The following NIBAN3 variants were observed in gnomAD, a reference collection of about 807,000 sequenced individuals.
NIBAN3 encodes the protein protein Niban 3.
A neutral mutation model predicts 76.4 loss-of-function variants in NIBAN3; 66 were observed. That is an observed-to-expected ratio of 0.86 (90% CI 0.71 to 1.06). The LOEUF is 1.06. NIBAN3 is among the 50% of genes least tolerant of loss of function. NIBAN3 has a pLI of 0.00. For missense variants in NIBAN3, 808 were observed against 810.7 expected, an observed-to-expected ratio of 1.00 and a Z score of 0.04; for synonymous variants, 360 against 355.2, an observed-to-expected ratio of 1.01 and a Z score of -0.15.
rs1274121291 is a variant in NIBAN3, at chr19:17,539,677, C to A, written c.891C>A (p.Asp297Glu). 2 of 1,558,292 alleles carry A rather than the reference C, an allele frequency of 1.3e-6. No homozygotes were observed. The highest frequency in any genetic ancestry group is 4.8e-5 in the East Asian group (2 of 41,550). Residue 297 changes from aspartate to glutamate, a missense_variant, in exon 8 of 15, where the codon GAC (aspartate) becomes GAA (glutamate). Asp to Glu is a conservative substitution (Grantham distance 45). Transcript: ENST00000599164. ...AGLCAFQPEKDELLASLEKTI... is the reference protein window; with the variant it reads ...AGLCAFQPEKEELLASLEKTI... ...TCTGCGCCTTCCAGCCCGAAAAGGA[C>A]GAGCTGCTTGCGTCGCTGGAGAAGA...
intron 2 of NIBAN3, 57 bp downstream of exon 2, chr19:17,530,942 C>G (rs944359099): frequency 1.4e-5 from 22 of 1,557,704 alleles, no homozygotes; most frequent in Non-Finnish European, 1.9e-5. Flanking sequence ...CTGGAGGAGC[C>G]CTCCCTAGGC....
downstream of NIBAN3, chr19:17,553,809 T>G (rs1454212313): frequency 2.4e-6 from 1 of 414,576 alleles, no homozygotes; most frequent in African/African-American, 2.0e-5. Context: ...CACCTCCTTT[T>G]TCTTACTTAA....
At chr19:17,549,826 CTTTT>C in intron 14 of NIBAN3, 2 of 100,500 alleles carry the variant, frequency 2.0e-5, no homozygotes, top group South Asian at 4.0e-4. Flanking sequence ...CTCTCTCTCT[CTTTT>C]TTTTTTTTTT....
At chr19:17,543,706 T>C (rs964498345) in intron 12 of NIBAN3, 75 bp downstream of exon 12, 19 of 1,318,738 alleles carry the variant, frequency 1.4e-5, no homozygotes, top group Non-Finnish European at 1.8e-5. Context: ...AAGAATGCTC[T>C]TTGAGGCTGG....
In NIBAN3 at chr19:17,537,498, G is replaced by A. The variant is rs377505484; in HGVS notation, c.550G>A (p.Ala184Thr). 2.0e-3 allele frequency: 3,280 copies of A among 1,611,778 alleles called. 76 individuals are homozygous for A. In the South Asian group the frequency reaches 0.034, roughly 17 times the overall value. The change falls in exon 5 of 15, where the codon GCC becomes ACC. Residue 184 changes from alanine to threonine, a missense_variant. By Grantham distance (58) the Ala-to-Thr change is moderately conservative. Transcript: ENST00000599164. ...FSAATREAQH[A>T]WRLALQGGIR... ...TGCAGCCACCAGGGAGGCACAGCATGCCTGGAGGCTGGCCCTGCAGGGTGG... is the reference window on the plus strand; with the variant it reads ...TGCAGCCACCAGGGAGGCACAGCATACCTGGAGGCTGGCCCTGCAGGGTGG...
chr19:17,533,762 G>C (rs556326086), intron 4 of NIBAN3, 61 bp downstream of exon 4: 1 of 1,287,004 alleles, frequency 7.8e-7, no homozygotes, highest in East Asian at 2.3e-5. Context: ...AACATGTGGG[G>C]CCAGATCATT....
At chr19:17,537,956 C>A (rs774409648) in intron 5 of NIBAN3, among the ~76,000 whole-genome samples, 2 of 150,992 alleles carry the variant, frequency 1.3e-5, no homozygotes, top group Non-Finnish European at 3.0e-5. Context: ...CACACACACA[C>A]ACACACGAGA....
intron 12 of NIBAN3, chr19:17,546,235 T>C (rs1264591591): frequency 6.3e-6 from 1 of 159,820 alleles, no homozygotes; most frequent in African/African-American, 2.4e-5. Context: ...TCATTAATGA[T>C]ATTCATATAT....
Position 17,540,668 on chromosome 19 carries a change from G to T in NIBAN3, c.1170+86G>T, listed in dbSNP as rs1003373582. The T allele has an allele frequency of 7.5e-6, 8 of 1,064,924 alleles. No individual in the cohort carries two copies. The African/African-American group carries it at 1.3e-4, about 18-fold the overall frequency. The allele number at this position is 1,064,924 out of a possible 1,614,324, so 66.0% of individuals were successfully genotyped here. ...CCTGTGGAGAATCTTCACTGAATTT[G>T]TTCTAGGCTGCTTTTTACTTATTGT... On this transcript the variant is annotated intron_variant, in intron 9 of 14. Transcript: ENST00000599164.
chr19:17,547,221 G>A (rs988528945), intron 13 of NIBAN3, among the ~76,000 whole-genome samples: 1 of 151,442 alleles, frequency 6.6e-6, no homozygotes, highest in Non-Finnish European at 1.5e-5. Flanking sequence ...GGGCATGATG[G>A]CACATGCCTG....
At chr19:17,539,865 T>C in intron 8 of NIBAN3, 100 bp downstream of exon 8, 4 of 534,462 alleles carry the variant, frequency 7.5e-6, no homozygotes, top group Non-Finnish European at 4.7e-6. Flanking sequence ...TTATGTAAAA[T>C]GGGGGCGTGG....
Position 17,542,132 on chromosome 19 carries a change from AC to A in NIBAN3, c.1171-3del. ...TTCCCCCAAAACTGCTTCCGGGAGC[AC>A]AGGTTTACTCATTTGGGGAGATGCC... is the stretch of plus-strand genomic sequence containing the variant. On this transcript the variant is annotated splice_region_variant and splice_polypyrimidine_tract_variant and intron_variant, in intron 9 of 14. Transcript: ENST00000599164. This position sits in a 1 kb window ranked among gnomAD's most constrained non-coding sequence, Gnocchi z 4.8. 6.2e-7 allele frequency: 1 copy of A among 1,614,154 alleles called. No individual in the cohort carries two copies. The highest frequency in any genetic ancestry group is 2.2e-5 in the East Asian group (1 of 44,874).
At chr19:17,530,648 A>G in intron 1 of NIBAN3, 107 bp from the exon 2 acceptor site, 1 of 1,038,816 alleles carries the variant, frequency 9.6e-7, no homozygotes. Flanking sequence ...GAAGCTCAGG[A>G]TGACTACAGG....
At position 17,546,895 on chromosome 19, in the gene NIBAN3, T is replaced by C. The variant is rs913312525; in HGVS notation, c.1666+98T>C. ...CACATCGACTCTCACTTCCTGTGAA[T>C]ACTTGCCATTTGACCTTAAGTCAGG... On this transcript the variant is annotated intron_variant, in intron 13 of 14. Coordinates refer to ENST00000599164, the MANE Select transcript of NIBAN3 (RefSeq NM_001321827.2). 1.8e-5 allele frequency: 26 copies of C among 1,440,970 alleles called. No individual in the cohort carries two copies. The African/African-American group carries it at 3.4e-4, about 19-fold the overall frequency. 89.3% of individuals were successfully genotyped at this position (1,440,970 alleles called of 1,614,324 possible).
intron 5 of NIBAN3, 42 bp from the exon 6 acceptor site, chr19:17,539,108 C>G: frequency 6.6e-7 from 1 of 1,508,736 alleles, no homozygotes; most frequent in Non-Finnish European, 9.0e-7. Context: ...GGGAGCCAGG[C>G]AGGGGAGCTA....
intron 13 of NIBAN3, among the ~76,000 whole-genome samples, chr19:17,548,414 G>A (rs2076097646): frequency 6.6e-6 from 1 of 152,146 alleles, no homozygotes; most frequent in Non-Finnish European, 1.5e-5. Context: ...TGAGGCCCCG[G>A]TTCTGGGAAC....
Position 17,542,617 on chromosome 19 carries a change from G to T in NIBAN3, c.1329+323G>T, listed in dbSNP as rs2375635. Among the ~76,000 whole-genome samples, 74,544 of 152,014 alleles carry T rather than the reference G, an allele frequency of 0.49. 19,220 individuals carry two copies. The highest frequency in any genetic ancestry group is 0.61 in the Middle Eastern group (180 of 294). On this transcript the variant is annotated intron_variant, in intron 10 of 14. Transcript: ENST00000599164. The surrounding 1 kb of genome is among the most constrained non-coding windows in gnomAD (Gnocchi z 4.8). ...CGAGTGAATAGTGTTGAGAGTGCTT[G>T]TCTGCATTTGGGGAACGTGGAGCAA...
At position 17,538,680 on chromosome 19, in the gene NIBAN3, AAAAG is replaced by A. The variant is rs778034933; in HGVS notation, c.596-465_596-462del. Reference sequence around the variant, plus strand: ...GAGAACAGAAGAAAGAAAAGAAGGAAAAAGAAAGGAAAGAAAAAGAAAAGAAAGG... The same window carrying A: ...GAGAACAGAAGAAAGAAAAGAAGGAAAAAGGAAAGAAAAAGAAAAGAAAGG... On this transcript the variant is annotated intron_variant, in intron 5 of 14. Transcript: ENST00000599164. Among the ~76,000 whole-genome samples the A allele has an allele frequency of 4.4e-5, 6 of 135,770 alleles. No individual in the cohort carries two copies. In the East Asian group the frequency reaches 8.2e-4, roughly 19 times the overall value. The allele number at this position is 135,770 out of a possible 152,430, so 89.1% of individuals were successfully genotyped here. A position where few individuals can be genotyped will look rare whatever the true frequency, so the allele number is the denominator to read the frequency against.
At position 17,533,674 on chromosome 19, in the gene NIBAN3, T is replaced by C; in HGVS notation, c.400T>C (p.Leu134=). 1 of 1,613,986 alleles carries C rather than the reference T, an allele frequency of 6.2e-7. No homozygotes were observed. ...TTCCCAGCGAGAATATCTCCGCCTT[T>C]TGGATGCTCTCTGCCCTGAATCCTT... ...LTSQREYLRL[L]DALCPESLGD... The change falls in exon 4 of 15, where the codon TTG becomes CTG. Residue 134 remains leucine (L), a synonymous_variant. Transcript: ENST00000599164.
Sources: allele counts gnomAD v4.1 joint callset (sites outside exome capture counted in the v4.1 genomes callset), GRCh38; gene constraint gnomAD v4.1.1; non-coding constraint Gnocchi (gnomAD v3.1); transcripts MANE v1.5; gene names NCBI Gene and HGNC (gene_info 2026-07-23, HGNC 2026-07-21).